GPRIN3: variants seen among roughly 807,000 people sequenced by gnomAD.
GPRIN3 encodes GPRIN family member 3, also known as G protein-regulated inducer of neurite outgrowth 3.
Under a neutral mutation model 13.7 loss-of-function variants are expected in GPRIN3, and 12 were observed. The ratio of observed to expected loss-of-function variants is 0.87; its 90% CI spans 0.56 to 1.42. The LOEUF (loss-of-function observed/expected upper bound fraction) is 1.42. GPRIN3 is among the 40% of genes most tolerant of loss of function. GPRIN3 has a pLI of 0.00. For synonymous variants in GPRIN3, 377 were observed against 372.7 expected (o/e 1.01, Z -0.13); for missense variants, 1,009 against 958.7 (o/e 1.05, Z -0.69).
At chr4:89,297,378 A>C (rs1724767005) in intron 1 of GPRIN3, among the ~76,000 whole-genome samples, 1 of 152,200 alleles carries the variant, frequency 6.6e-6, no homozygotes, top group Non-Finnish European at 1.5e-5. Context: ...AAGTGCCTCA[A>C]GTGTTTTTTT....
In GPRIN3 at chr4:89,249,539, G is replaced by A. The variant is rs1028898579; in HGVS notation, c.572C>T (p.Ser191Phe). 4 of 1,614,198 alleles carry A rather than the reference G, an allele frequency of 2.5e-6. No individual in the cohort carries two copies. The highest frequency in any genetic ancestry group is 3.4e-6 in the Non-Finnish European group (4 of 1,180,030). ...CACTGTTCCCTGGATTGTTTCTGGA[G>A]AAGGAAACTCACAGGACACCTGATC... Reference protein sequence around the residue: ...SKDQVSCEFPSPETIQGTVQT... With the variant: ...SKDQVSCEFPFPETIQGTVQT... Residue 191 changes from serine to phenylalanine, a missense_variant, in exon 2 of 2, where the codon TCT becomes TTT. Transcript: ENST00000609438.
chr4:89,300,206 T>C (rs150391937), intron 1 of GPRIN3, among the ~76,000 whole-genome samples: 1 of 152,272 alleles, frequency 6.6e-6, no homozygotes, highest in African/African-American at 2.4e-5. Flanking sequence ...AGTACAGTCA[T>C]AGCATTTTGG....
chr4:89,255,086 G>T (rs1723431757), intron 1 of GPRIN3, among the ~76,000 whole-genome samples: 1 of 152,156 alleles, frequency 6.6e-6, no homozygotes, highest in Non-Finnish European at 1.5e-5. Flanking sequence ...TGCTCTAAGA[G>T]TACTGACAGT....
At chr4:89,285,821 A>G (rs1313320870) in intron 1 of GPRIN3, among the ~76,000 whole-genome samples, 1 of 152,194 alleles carries the variant, frequency 6.6e-6, no homozygotes, top group Admixed American at 6.5e-5. Flanking sequence ...GGAGGGAATT[A>G]CTATGGATAA....
At position 89,248,521 on chromosome 4, in the gene GPRIN3, A is replaced by G; in HGVS notation, c.1590T>C (p.Thr530=). The change falls in exon 2 of 2, where the codon ACT becomes ACC. Residue 530 remains threonine, a synonymous_variant. Coordinates refer to ENST00000609438, the MANE Select transcript of GPRIN3 (RefSeq NM_198281.3). ...TCTTTTCCCTTGCATCTCCTTTATT[A>G]GTGGGATCCAAGCTCCCAGAATGAT... ...KADHSGSLDP[T]NKGDAREKKP... 1 of 1,613,294 alleles carries G rather than the reference A, an allele frequency of 6.2e-7. No homozygotes were observed. Among genetic ancestry groups the G allele is most frequent in the Non-Finnish European group, 8.5e-7 (1 of 1,179,468 alleles).
At position 89,247,147 on chromosome 4, in the gene GPRIN3, TAAG is replaced by T. The variant is rs1723122848; in HGVS notation, c.*630_*632del. 6.6e-6 allele frequency: 1 copy of T among 152,206 alleles called. No individual in the cohort carries two copies. Among genetic ancestry groups the T allele is most frequent in the Non-Finnish European group, 1.5e-5 (1 of 68,032 alleles). 9.4% of individuals were successfully genotyped at this position (152,206 alleles called of 1,614,324 possible). ...ACTTTCTTATATTTATTAACAGCAATAAGAAGGTTTATAAAAAGAGTTGTCTGC... is the reference window on the plus strand; with the variant it reads ...ACTTTCTTATATTTATTAACAGCAATAAGGTTTATAAAAAGAGTTGTCTGC... On this transcript the variant is annotated 3_prime_UTR_variant, in exon 2 of 2. Transcript: ENST00000609438.
At chr4:89,297,246 TA>T (rs1267877567) in intron 1 of GPRIN3, among the ~76,000 whole-genome samples, 1 of 152,208 alleles carries the variant, frequency 6.6e-6, no homozygotes, top group Non-Finnish European at 1.5e-5. Context: ...GCCTGAAGAA[TA>T]AAATTTTTAA....
In GPRIN3 at chr4:89,270,565, TTATATATA is replaced by T. The variant is rs1199230242; in HGVS notation, c.-123-20340_-123-20333del. On this transcript the variant is annotated intron_variant, in intron 1 of 1. Coordinates refer to ENST00000609438, the MANE Select transcript of GPRIN3 (RefSeq NM_198281.3). The stretch of plus-strand genomic sequence containing the variant: ...ATATATATTTATATATGTATATAAT[TTATATATA>T]TATATATATATATATATATATATAT... Among the ~76,000 whole-genome samples the T allele has an allele frequency of 4.9e-3, 405 of 82,344 alleles. 6 individuals carry two copies. The highest frequency in any genetic ancestry group is 0.017 in the East Asian group (40 of 2,420). 54.0% of individuals were successfully genotyped at this position (82,344 alleles called of 152,430 possible). A position where few individuals can be genotyped will look rare whatever the true frequency, so the allele number is the denominator to read the frequency against.
intron 1 of GPRIN3, among the ~76,000 whole-genome samples, chr4:89,273,329 T>C (rs1467517630): frequency 6.6e-6 from 1 of 152,236 alleles, no homozygotes; most frequent in African/African-American, 2.4e-5. Flanking sequence ...AACAGATTTA[T>C]GGCAACAGAG....
intron 1 of GPRIN3, among the ~76,000 whole-genome samples, chr4:89,256,776 C>T (rs1188808178): frequency 1.3e-5 from 2 of 152,206 alleles, no homozygotes; most frequent in African/African-American, 2.4e-5. Context: ...CAGATAGCTC[C>T]TGCAAAGACC....
At chr4:89,307,278 C>T (rs1008446867) in intron 1 of GPRIN3, among the ~76,000 whole-genome samples, 302 of 151,694 alleles carry the variant, frequency 2.0e-3, no homozygotes, top group African/African-American at 6.8e-3. Flanking sequence ...GTCACACACA[C>T]ACACACACAC....
At chr4:89,277,540 T>C (rs1220740995) in intron 1 of GPRIN3, among the ~76,000 whole-genome samples, 1 of 152,250 alleles carries the variant, frequency 6.6e-6, no homozygotes, top group African/African-American at 2.4e-5. Context: ...GCTACTTGTC[T>C]GCAACAAGGA....
intron 1 of GPRIN3, among the ~76,000 whole-genome samples, chr4:89,253,645 C>T (rs1199454489): frequency 2.0e-5 from 3 of 152,166 alleles, no homozygotes. Context: ...CTTCCATTTC[C>T]AACACATAGC....
At chr4:89,294,864 C>T (rs1724689812) in intron 1 of GPRIN3, among the ~76,000 whole-genome samples, 1 of 152,202 alleles carries the variant, frequency 6.6e-6, no homozygotes, top group Non-Finnish European at 1.5e-5. Context: ...CACTCAAGTG[C>T]TTTAAAACAT....
chr4:89,298,553 A>G (rs1724806221), intron 1 of GPRIN3, among the ~76,000 whole-genome samples: 1 of 152,030 alleles, frequency 6.6e-6, no homozygotes, highest in Non-Finnish European at 1.5e-5. Context: ...TTGTTGAACT[A>G]TATTTATTAC....
In GPRIN3 at chr4:89,247,866, G is replaced by A. The variant is rs1265148396; in HGVS notation, c.2245C>T (p.Gln749Ter). 4.3e-6 allele frequency: 7 copies of A among 1,614,024 alleles called. No individual in the cohort carries two copies. The highest frequency in any genetic ancestry group is 5.9e-6 in the Non-Finnish European group (7 of 1,180,006). ...AGCATGGACTGGAAAACACTGTGCT[G>A]CCTTCCTCTGAGCTTCTTATTTGAA... The part of the protein sequence containing the change: ...TSSNKKLRGR[Q>*]HSVFQSMLQN... Residue 749 changes from glutamine to a stop codon, truncating the protein, a stop_gained, in exon 2 of 2, where the codon CAG becomes TAG. Coordinates refer to ENST00000609438, the MANE Select transcript of GPRIN3 (RefSeq NM_198281.3). LOFTEE classifies it high-confidence loss of function.
chr4:89,255,747 CTG>C (rs1169017199), intron 1 of GPRIN3, among the ~76,000 whole-genome samples: 2 of 152,172 alleles, frequency 1.3e-5, no homozygotes, highest in African/African-American at 2.4e-5. Flanking sequence ...CTTGCTAAAA[CTG>C]GACTCTGCAA....
chr4:89,278,334 T>C (rs1174757108), intron 1 of GPRIN3, among the ~76,000 whole-genome samples: 1 of 152,228 alleles, frequency 6.6e-6, no homozygotes, highest in African/African-American at 2.4e-5. Context: ...GCCATTAGTG[T>C]CTCTCATTAA....
rs1723093098 is a variant in GPRIN3 at position 89,246,189 on chromosome 4, C to T, written c.*1591G>A. Reference sequence around the variant, plus strand: ...CTGTGAATTGACTGTACCCACGGGACACATGAGTCTCTAGAGAGAATACCT... The same window carrying T: ...CTGTGAATTGACTGTACCCACGGGATACATGAGTCTCTAGAGAGAATACCT... On this transcript the variant is annotated 3_prime_UTR_variant, in exon 2 of 2. Transcript: ENST00000609438. The T allele has an allele frequency of 6.6e-6, 1 of 152,318 alleles. No homozygotes were observed. The highest frequency in any genetic ancestry group is 1.5e-5 in the Non-Finnish European group (1 of 68,046). 9.4% of individuals were successfully genotyped at this position (152,318 alleles called of 1,614,324 possible).
Sources: gnomAD v4.1 joint callset for allele counts (sites outside exome capture counted in the v4.1 genomes callset) on GRCh38, gnomAD v4.1.1 for gene constraint, MANE v1.5 for transcripts, NCBI Gene and HGNC (gene_info 2026-07-23, HGNC 2026-07-21) for gene names.